AKAP19: variants seen among roughly 807,000 people sequenced by gnomAD.
The protein encoded by AKAP19 is small A-kinase anchoring protein.
At chr2:189,943,498 C>A in the AKAP19 span, among the ~76,000 whole-genome samples, 1 of 152,332 alleles carries the variant, frequency 6.6e-6, no homozygotes, top group Non-Finnish European at 1.5e-5. Context: ...TCATAGAGAA[C>A]CTCTACTACA....
the AKAP19 span, among the ~76,000 whole-genome samples, chr2:189,886,464 C>G: frequency 6.6e-6 from 1 of 152,170 alleles, no homozygotes; most frequent in Non-Finnish European, 1.5e-5. Flanking sequence ...AAACATCTAT[C>G]ATAAACATCC....
At chr2:189,933,826 A>T in the AKAP19 span, among the ~76,000 whole-genome samples, 1 of 152,082 alleles carries the variant, frequency 6.6e-6, no homozygotes, top group African/African-American at 2.4e-5. Flanking sequence ...ATTTGATATT[A>T]TTTTGTCACT....
At chr2:189,912,411 C>T in the AKAP19 span, among the ~76,000 whole-genome samples, 1 of 152,020 alleles carries the variant, frequency 6.6e-6, no homozygotes, top group African/African-American at 2.4e-5. Context: ...CATAGTGGCT[C>T]AGACCTATAA....
At chr2:190,128,187 A>C in the AKAP19 span, among the ~76,000 whole-genome samples, 87 of 152,328 alleles carry the variant, frequency 5.7e-4, no homozygotes, top group African/African-American at 1.9e-3. Context: ...GAAGTGAAAT[A>C]GCAGTTTTCA....
the AKAP19 span, among the ~76,000 whole-genome samples, chr2:190,011,491 C>CA: frequency 6.6e-6 from 1 of 152,160 alleles, no homozygotes; most frequent in African/African-American, 2.4e-5. Flanking sequence ...GGGTCAAATG[C>CA]AAAAAAATTA....
At chr2:189,879,913 C>T in the AKAP19 span, 13 of 152,404 alleles carry the variant, frequency 8.5e-5, no homozygotes, top group African/African-American at 2.9e-4. Flanking sequence ...ACCCAAAACC[C>T]TACGGAAGTC....
the AKAP19 span, among the ~76,000 whole-genome samples, chr2:190,183,052 G>A: frequency 6.6e-6 from 1 of 152,162 alleles, no homozygotes; most frequent in African/African-American, 2.4e-5. Flanking sequence ...ATAATAGATA[G>A]GACAAGTCCT....
At chr2:190,055,240 A>G in the AKAP19 span, among the ~76,000 whole-genome samples, 2 of 150,714 alleles carry the variant, frequency 1.3e-5, no homozygotes, top group African/African-American at 2.4e-5. Context: ...AAAAAAACCA[A>G]ACACCACATA....
the AKAP19 span, among the ~76,000 whole-genome samples, chr2:189,902,991 G>A: frequency 2.6e-5 from 4 of 151,906 alleles, no homozygotes; most frequent in Non-Finnish European, 4.4e-5. Flanking sequence ...GATGTAGAAT[G>A]AGGGAAATAA....
the AKAP19 span, among the ~76,000 whole-genome samples, chr2:190,173,366 C>G: frequency 6.6e-6 from 1 of 152,250 alleles, no homozygotes; most frequent in East Asian, 1.9e-4. Context: ...TTGGTTTGCT[C>G]TCTAAGAAAA....
the AKAP19 span, among the ~76,000 whole-genome samples, chr2:189,916,247 C>G: frequency 6.6e-6 from 1 of 151,830 alleles, no homozygotes; most frequent in Non-Finnish European, 1.5e-5. Flanking sequence ...TGTTAATATA[C>G]TAAAGACAGA....
chr2:190,185,599 G>A, the AKAP19 span, among the ~76,000 whole-genome samples: 1 of 152,218 alleles, frequency 6.6e-6, no homozygotes, highest in East Asian at 1.9e-4. Context: ...CCACCTGGTA[G>A]CCAGAGTGAA....
At chr2:190,065,099 T>G in the AKAP19 span, among the ~76,000 whole-genome samples, 2 of 152,128 alleles carry the variant, frequency 1.3e-5, no homozygotes, top group East Asian at 1.9e-4. Context: ...TATAAACAAA[T>G]TCCCTTTTTC....
chr2:190,158,525 T>C, the AKAP19 span, among the ~76,000 whole-genome samples: 1 of 152,246 alleles, frequency 6.6e-6, no homozygotes, highest in Admixed American at 6.5e-5. Context: ...TTATATACTT[T>C]AAATGAATTT....
At chr2:190,065,490 T>G in the AKAP19 span, among the ~76,000 whole-genome samples, 1 of 152,150 alleles carries the variant, frequency 6.6e-6, no homozygotes, top group African/African-American at 2.4e-5. Context: ...GTGATATGCC[T>G]AAGGGAAAAA....
At chr2:189,974,350 G>T in the AKAP19 span, among the ~76,000 whole-genome samples, 2 of 152,134 alleles carry the variant, frequency 1.3e-5, no homozygotes, top group African/African-American at 4.8e-5. Context: ...GAGACAGTTT[G>T]TTATAATTTC....
the AKAP19 span, among the ~76,000 whole-genome samples, chr2:190,128,199 TG>T: frequency 6.6e-6 from 1 of 152,162 alleles, no homozygotes; most frequent in Admixed American, 6.5e-5. Flanking sequence ...CAGTTTTCAT[TG>T]GGGTTTTAGA....
the AKAP19 span, among the ~76,000 whole-genome samples, chr2:190,187,454 T>C: frequency 6.6e-6 from 1 of 150,682 alleles, no homozygotes; most frequent in Admixed American, 6.6e-5. Context: ...GTCCAACTCA[T>C]GTCCAAATTA....
the AKAP19 span, among the ~76,000 whole-genome samples, chr2:190,194,290 T>C: frequency 7.3e-5 from 11 of 151,502 alleles, no homozygotes; most frequent in African/African-American, 2.5e-4. Context: ...TATTTTTTCT[T>C]TGACTATTCT....
Sources: gnomAD v4.1 joint callset for allele counts (sites outside exome capture counted in the v4.1 genomes callset) on GRCh38, gnomAD v4.1.1 for gene constraint, MANE v1.5 for transcripts, NCBI Gene and HGNC (gene_info 2026-07-23, HGNC 2026-07-21) for gene names.